The following LRRTM3 variants were observed in gnomAD, a reference collection of about 807,000 sequenced individuals.
LRRTM3 encodes the protein leucine-rich repeat transmembrane neuronal protein 3.
LRRTM3 carries 24 observed loss-of-function variants against 44.7 expected under a neutral mutation model. The observed-to-expected ratio is 0.54, with a 90% CI of 0.39 to 0.76. The LOEUF (loss-of-function observed/expected upper bound fraction) is 0.76, where lower values mean the gene tolerates loss of function less well. Among genes scored for constraint, LRRTM3 ranks in the 30% least tolerant of loss-of-function variants. The pLI is 0.00. For synonymous variants in LRRTM3, 277 were observed against 278.7 expected (o/e 0.99, Z 0.06); for missense variants, 587 against 702.2 (o/e 0.84, Z 1.85).
intron 2 of LRRTM3, among the ~76,000 whole-genome samples, chr10:67,018,341 T>A (rs1452474172): frequency 1.3e-5 from 2 of 152,216 alleles, no homozygotes; most frequent in Non-Finnish European, 2.9e-5. Context: ...GATTCCTGAT[T>A]TTCTTCACCC....
intron 2 of LRRTM3, among the ~76,000 whole-genome samples, chr10:67,033,702 G>C (rs1182314695): frequency 6.6e-6 from 1 of 152,130 alleles, no homozygotes; most frequent in Non-Finnish European, 1.5e-5. Context: ...GATCCTAAAT[G>C]GTGGAACTCA....
chr10:67,013,854 C>T (rs1389763439), intron 2 of LRRTM3, among the ~76,000 whole-genome samples: 1 of 152,104 alleles, frequency 6.6e-6, no homozygotes, highest in Non-Finnish European at 1.5e-5. Flanking sequence ...TACAGGCCCA[C>T]TCTCACAAGG....
chr10:67,039,349 G>T (rs1854259235), intron 2 of LRRTM3, among the ~76,000 whole-genome samples: 1 of 152,056 alleles, frequency 6.6e-6, no homozygotes, highest in African/African-American at 2.4e-5. Flanking sequence ...ATTCTAAGAA[G>T]TTTTTTCTGG....
rs1416354048 is a variant in LRRTM3, at chr10:67,100,908, T to G, written c.*3112T>G. Among the ~76,000 whole-genome samples, 1 of 151,706 alleles carries G rather than the reference T, an allele frequency of 6.6e-6. No individual in the cohort carries two copies. The highest frequency in any genetic ancestry group is 2.4e-5 in the African/African-American group (1 of 41,362). ...CTTTCCACTGTACTAAAAGATTTCTTTCTCTGATCAGAGCAAGAGAACTTC... is the reference window on the plus strand; with the variant it reads ...CTTTCCACTGTACTAAAAGATTTCTGTCTCTGATCAGAGCAAGAGAACTTC... On this transcript the variant is annotated 3_prime_UTR_variant, in exon 3 of 3. Transcript: ENST00000361320.
intron 2 of LRRTM3, among the ~76,000 whole-genome samples, chr10:67,060,063 C>T (rs1437074199): frequency 6.6e-6 from 1 of 152,072 alleles, no homozygotes. Flanking sequence ...CACCTGTAAT[C>T]CCAGCACTTT....
intron 2 of LRRTM3, among the ~76,000 whole-genome samples, chr10:67,096,134 T>C (rs1857977099): frequency 6.6e-6 from 1 of 151,904 alleles, no homozygotes; most frequent in African/African-American, 2.4e-5. Flanking sequence ...AGAACTAAGC[T>C]ATATATATTT....
intron 2 of LRRTM3, among the ~76,000 whole-genome samples, chr10:67,021,758 C>A (rs1853029990): frequency 6.6e-6 from 1 of 151,874 alleles, no homozygotes; most frequent in Non-Finnish European, 1.5e-5. Context: ...AAAATGTGCA[C>A]AATAAGTAAT....
chr10:67,088,933 A>T (rs969696266), intron 2 of LRRTM3, among the ~76,000 whole-genome samples: 1 of 152,108 alleles, frequency 6.6e-6, no homozygotes, highest in Non-Finnish European at 1.5e-5. Flanking sequence ...AATAAAAAAT[A>T]ACAATACAAT....
chr10:67,088,243 C>T (rs751248134), intron 2 of LRRTM3, among the ~76,000 whole-genome samples: 1 of 151,360 alleles, frequency 6.6e-6, no homozygotes, highest in Non-Finnish European at 1.5e-5. Context: ...AGGACAAGAA[C>T]TTGGCATATG....
In LRRTM3 at chr10:66,926,406, C is replaced by A; in HGVS notation, c.-178C>A. ...GGGATTTATTTGTTCTTGGAGTGTTCTGCGTGGCTGGCAAAGAATAATGTT... is the reference window on the plus strand; with the variant it reads ...GGGATTTATTTGTTCTTGGAGTGTTATGCGTGGCTGGCAAAGAATAATGTT... On this transcript the variant is annotated 5_prime_UTR_variant, in exon 1 of 3. It adds an upstream start codon to the 5' untranslated region. Transcript: ENST00000361320. The A allele has an allele frequency of 1.4e-6, 1 of 690,424 alleles. No homozygotes were observed. 42.8% of individuals were successfully genotyped at this position (690,424 alleles called of 1,614,324 possible).
chr10:66,957,002 G>C (rs1057352373), intron 2 of LRRTM3, among the ~76,000 whole-genome samples: 1 of 152,178 alleles, frequency 6.6e-6, no homozygotes, highest in Non-Finnish European at 1.5e-5. Context: ...ATGGAATGTA[G>C]AAGATAATTC....
intron 2 of LRRTM3, among the ~76,000 whole-genome samples, chr10:67,037,774 G>A (rs905701705): frequency 6.6e-6 from 1 of 152,116 alleles, no homozygotes; most frequent in African/African-American, 2.4e-5. Flanking sequence ...TTTTTAACTT[G>A]AACAAATACA....
intron 2 of LRRTM3, among the ~76,000 whole-genome samples, chr10:66,946,006 T>C (rs1408295168): frequency 6.6e-6 from 1 of 152,124 alleles, no homozygotes; most frequent in Admixed American, 6.6e-5. Context: ...ATAATAATCA[T>C]GAAAATGTTT....
chr10:66,960,108 A>G (rs1047106979), intron 2 of LRRTM3, among the ~76,000 whole-genome samples: 1 of 151,986 alleles, frequency 6.6e-6, no homozygotes, highest in Admixed American at 6.6e-5. Flanking sequence ...CCCTAAAAAT[A>G]TTTCTTTCTC....
intron 2 of LRRTM3, among the ~76,000 whole-genome samples, chr10:67,074,451 C>T (rs373518953): frequency 1.4e-5 from 2 of 147,148 alleles, no homozygotes; most frequent in East Asian, 2.0e-4. Context: ...CCCGGGTTCA[C>T]GCCATTCTCC....
At chr10:67,057,448 T>G (rs1357230873) in intron 2 of LRRTM3, among the ~76,000 whole-genome samples, 1 of 152,158 alleles carries the variant, frequency 6.6e-6, no homozygotes, top group Non-Finnish European at 1.5e-5. Flanking sequence ...CCCTGCTACC[T>G]ACCCTTCTAC....
At chr10:67,069,432 GAAGTAT>G (rs1856298724) in intron 2 of LRRTM3, among the ~76,000 whole-genome samples, 1 of 151,948 alleles carries the variant, frequency 6.6e-6, no homozygotes, top group Non-Finnish European at 1.5e-5. Context: ...ACTTGTTTTT[GAAGTAT>G]AAGATTTTAT....
chr10:67,088,587 T>C (rs376869689), intron 2 of LRRTM3, among the ~76,000 whole-genome samples: 1 of 151,980 alleles, frequency 6.6e-6, no homozygotes, highest in African/African-American at 2.4e-5. Context: ...GCTACCAAAA[T>C]TCAGAATGTT....
At chr10:67,020,741 A>C (rs986509769) in intron 2 of LRRTM3, among the ~76,000 whole-genome samples, 3 of 152,160 alleles carry the variant, frequency 2.0e-5, no homozygotes, top group Non-Finnish European at 4.4e-5. Context: ...GCATAATGAA[A>C]ATACAAACTA....
Sources: gnomAD v4.1 joint callset for allele counts (sites outside exome capture counted in the v4.1 genomes callset) on GRCh38, gnomAD v4.1.1 for gene constraint, MANE v1.5 for transcripts, NCBI Gene and HGNC (gene_info 2026-07-23, HGNC 2026-07-21) for gene names.